AHDC1: variants seen among roughly 807,000 people sequenced by gnomAD.
AHDC1 encodes AT-hook DNA binding motif containing 1.
AHDC1 carries 7 observed loss-of-function variants against 87.9 expected under a neutral mutation model. The ratio of observed to expected loss-of-function variants is 0.08; its 90% confidence interval spans 0.05 to 0.15. The LOEUF is 0.15. AHDC1 is among the 10% of genes least tolerant of loss of function. The probability of loss-of-function intolerance (pLI) is 1.00; values close to 1 mark genes in which losing one functional copy is unlikely to be tolerated. For synonymous variants in AHDC1, 1,051 were observed against 1,006.8 expected, an observed-to-expected ratio of 1.04 and a Z score of -0.83; for missense variants, 1,841 against 2,253.2, an observed-to-expected ratio of 0.82 and a Z score of 3.70.
Position 27,534,780 on chromosome 1 carries a change from G to C in AHDC1, c.*180C>G, listed in dbSNP as rs986617185. 6.6e-6 allele frequency: 1 copy of C among 151,326 alleles called. No homozygotes were observed. Among genetic ancestry groups the C allele is most frequent in the Non-Finnish European group, 1.5e-5 (1 of 67,786 alleles). The allele number at this position is 151,326 out of a possible 1,614,324, so 9.4% of individuals were successfully genotyped here. ...GGCTCACCTTCGGCTTCTGCGTGGAGGAGATGGGTGGGAGGGGGTGGAGGG... is the reference window on the plus strand; with the variant it reads ...GGCTCACCTTCGGCTTCTGCGTGGACGAGATGGGTGGGAGGGGGTGGAGGG... On this transcript the variant is annotated 3_prime_UTR_variant, in exon 9 of 9. Transcript: ENST00000673934.
In AHDC1 at chr1:27,547,120, A is replaced by G; in HGVS notation, c.*43+141T>C. On this transcript the variant is annotated intron_variant, in intron 8 of 8. Coordinates refer to ENST00000673934, the MANE Select transcript of AHDC1 (RefSeq NM_001371928.1). The surrounding 1 kb of genome is among the most constrained non-coding windows in gnomAD (Gnocchi z 4.9). ...CCGCAACAGCGAATCCTGAATCCCT[A>G]CACCCTGCTCTCAGTCCCCAGCCTT... 1.8e-6 allele frequency: 1 copy of G among 559,244 alleles called. No individual in the cohort carries two copies. The highest frequency in any genetic ancestry group is 2.9e-6 in the Non-Finnish European group (1 of 340,232). The allele number at this position is 559,244 out of a possible 1,614,324, so 34.6% of individuals were successfully genotyped here. A position where few individuals can be genotyped will look rare whatever the true frequency, so the allele number is the denominator to read the frequency against.
At position 27,551,345 on chromosome 1, in the gene AHDC1, C is replaced by A. The variant is rs758222840; in HGVS notation, c.771G>T (p.Gln257His). 4 of 1,613,510 alleles carry A rather than the reference C, an allele frequency of 2.5e-6. No individual in the cohort carries two copies. The highest frequency in any genetic ancestry group is 3.4e-6 in the Non-Finnish European group (4 of 1,179,922). ...ELASLTCPEA[Q>H]LLEAQALEPP... ...GCTCGAGGGCCTGGGCCTCTAGCAG[C>A]TGGGCCTCTGGGCAAGTGAGGGAGG... Residue 257 changes from glutamine (Q) to histidine (H), a missense_variant, in exon 8 of 9, where the codon CAG becomes CAT. Physicochemically the swap from Gln to His is conservative, Grantham distance 24. This residue lies in a region of AHDC1 where 370 missense variants were observed against 391.5 expected (regional missense o/e 0.95). Transcript: ENST00000673934.
intron 8 of AHDC1, among the ~76,000 whole-genome samples, chr1:27,540,130 T>C (rs920409280): frequency 3.3e-5 from 5 of 152,174 alleles, no homozygotes; most frequent in African/African-American, 4.8e-5. Context: ...TTCCTGGCTC[T>C]ACCTTCTGTG....
chr1:27,579,514 G>A (rs2088851866), intron 3 of AHDC1, among the ~76,000 whole-genome samples: 1 of 152,224 alleles, frequency 6.6e-6, no homozygotes, highest in South Asian at 2.1e-4. Flanking sequence ...CAGCAAGAGT[G>A]TGACTATAGA....
Position 27,549,282 on chromosome 1 carries a change from G to C in AHDC1, c.2834C>G (p.Pro945Arg). The stretch of plus-strand genomic sequence containing the variant: ...GGCTGAGGGCGGGGGCACCAGCTTG[G>C]GGAAGGTCTCGGCTGCCCGGCAGTC... Reference protein sequence around the residue: ...ASDCRAAETFPKLVPPPSAMA... With the variant: ...ASDCRAAETFRKLVPPPSAMA... Residue 945 changes from proline (P) to arginine (R), a missense_variant, in exon 8 of 9, where the codon CCC (proline) becomes CGC (arginine). Pro to Arg is a moderately radical substitution (Grantham distance 103). This residue lies in a region of AHDC1 where 378 missense variants were observed against 399.0 expected (regional missense o/e 0.95). Transcript: ENST00000673934. 6.2e-7 allele frequency: 1 copy of C among 1,603,162 alleles called. No individual in the cohort carries two copies. Among genetic ancestry groups the C allele is most frequent in the Non-Finnish European group, 8.5e-7 (1 of 1,172,530 alleles).
chr1:27,591,363 T>A, intron 3 of AHDC1, among the ~76,000 whole-genome samples: 1 of 152,320 alleles, frequency 6.6e-6, no homozygotes, highest in Non-Finnish European at 1.5e-5. Flanking sequence ...CACGGGGCCC[T>A]GCAGCTCACA....
chr1:27,550,222 A>G lies in AHDC1; in HGVS notation c.1894T>C (p.Cys632Arg). The change falls in exon 8 of 9, where the codon TGC becomes CGC. Residue 632 changes from cysteine to arginine, a missense_variant. Cys to Arg is a radical substitution (Grantham distance 180). This residue lies in a region of AHDC1 where 84 missense variants were observed against 111.7 expected (regional missense o/e 0.75). Transcript: ENST00000673934. ...GGTGTCCAGCAGCGGGGCGGTGAGC[A>G]CCGTCCAGCGCACTGGCTCTGGCGG... ...LNRQSQCAGR[C>R]SPPRCWTPSE... The G allele has an allele frequency of 6.2e-7, 1 of 1,613,266 alleles. No individual in the cohort carries two copies. The highest frequency in any genetic ancestry group is 8.5e-7 in the Non-Finnish European group (1 of 1,179,796).
At position 27,548,303 on chromosome 1, in the gene AHDC1, C is replaced by T. The variant is rs376593773; in HGVS notation, c.3813G>A (p.Pro1271=). 1.3e-4 allele frequency: 210 copies of T among 1,606,174 alleles called. No individual in the cohort carries two copies. Among genetic ancestry groups the T allele is most frequent in the African/African-American group, 1.7e-4 (13 of 74,954 alleles). ...PSKRSTGPRQ[P]RGGRGGGACS... ...AGGCCCCACCGCCCCGTCCACCTCG[C>T]GGCTGCCGGGGCCCAGTGCTCCGTT... The change falls in exon 8 of 9, where the codon CCG becomes CCA. Residue 1271 remains proline (P), a synonymous_variant. Coordinates refer to ENST00000673934, the MANE Select transcript of AHDC1 (RefSeq NM_001371928.1).
intron 3 of AHDC1, among the ~76,000 whole-genome samples, chr1:27,578,735 C>T (rs1434811472): frequency 2.0e-5 from 3 of 149,716 alleles, no homozygotes; most frequent in South Asian, 2.1e-4. Flanking sequence ...CTTACACTGT[C>T]GCACAGGCTG....
chr1:27,589,832 A>C (rs565234601), intron 3 of AHDC1, among the ~76,000 whole-genome samples: 4 of 152,274 alleles, frequency 2.6e-5, no homozygotes, highest in African/African-American at 9.6e-5. Context: ...GGAGAGAACC[A>C]ACCCTTCACC....
chr1:27,540,786 C>T (rs965804920), intron 8 of AHDC1, among the ~76,000 whole-genome samples: 7 of 151,308 alleles, frequency 4.6e-5, no homozygotes, highest in Non-Finnish European at 1.0e-4. Context: ...AAGATCGGGG[C>T]TGAAAAAAAG....
chr1:27,548,520 G>A lies in AHDC1; in HGVS notation c.3596C>T (p.Ser1199Phe). The A allele has an allele frequency of 1.2e-6, 2 of 1,613,776 alleles. No homozygotes were observed. The highest frequency in any genetic ancestry group is 1.3e-5 in the African/African-American group (1 of 75,070). Residue 1199 changes from serine (S) to phenylalanine (F), a missense_variant, in exon 8 of 9, where the codon TCC (serine) becomes TTC (phenylalanine). Around this residue, in one of 13 missense-constraint regions of AHDC1, gnomAD observed 505 missense variants for 626.2 expected, o/e 0.81. Coordinates refer to ENST00000673934, the MANE Select transcript of AHDC1 (RefSeq NM_001371928.1). ...ASSSEGQSSLSSLEKLMMDWN... is the reference protein window; with the variant it reads ...ASSSEGQSSLFSLEKLMMDWN... ...GTCCATCATCAGTTTCTCCAGGCTGGACAGGCTCGACTGGCCCTCACTACT... is the reference window on the plus strand; with the variant it reads ...GTCCATCATCAGTTTCTCCAGGCTGAACAGGCTCGACTGGCCCTCACTACT...
At position 27,541,878 on chromosome 1, in the gene AHDC1, C is replaced by T. The variant is rs528635377; in HGVS notation, c.*43+5383G>A. Among the ~76,000 whole-genome samples, 11 of 152,342 alleles carry T rather than the reference C, an allele frequency of 7.2e-5. No homozygotes were observed. In the South Asian group the frequency reaches 1.2e-3, roughly 17 times the overall value. The stretch of plus-strand genomic sequence containing the variant: ...CTCCCAACCTCAGGTGATCCTCTTC[C>T]CTCGGCCTCCCAAAGTGCTGGGATT... On this transcript the variant is annotated intron_variant, in intron 8 of 8. Transcript: ENST00000673934.
At position 27,590,685 on chromosome 1, in the gene AHDC1, A is replaced by G. The variant is rs2089198546; in HGVS notation, c.-629+12712T>C. Among the ~76,000 whole-genome samples, 1 of 152,194 alleles carries G rather than the reference A, an allele frequency of 6.6e-6. No homozygotes were observed. The highest frequency in any genetic ancestry group is 2.4e-5 in the African/African-American group (1 of 41,442). ...CTGAGAGGCATCAGGAGAGGATTTA[A>G]GGTCCAAAGTTGGGGAAACTGAGGC... On this transcript the variant is annotated intron_variant, in intron 3 of 8. Transcript: ENST00000673934. The surrounding 1 kb of genome is among the most constrained non-coding windows in gnomAD (Gnocchi z 5.4).
rs769532883 is a variant in AHDC1, at chr1:27,550,412, C to T, written c.1704G>A (p.Ala568=). ...CCGCTGCCACAGTGGCTGCCTCGGC[C>T]GCCACCACAGCTGGCTCCTTGGGCT... ...PGKPKEPAVV[A]AEAATVAAAT... is the part of the protein sequence containing the mutation. The change falls in exon 8 of 9, where the codon GCG becomes GCA. Residue 568 remains alanine, a synonymous_variant. Transcript: ENST00000673934. 33 of 1,611,692 alleles carry T rather than the reference C, an allele frequency of 2.0e-5. No individual in the cohort carries two copies. The highest frequency in any genetic ancestry group is 2.3e-5 in the Non-Finnish European group (27 of 1,178,340).
chr1:27,599,415 G>T (rs913428180), intron 3 of AHDC1, among the ~76,000 whole-genome samples: 7 of 152,048 alleles, frequency 4.6e-5, no homozygotes, highest in Non-Finnish European at 8.8e-5. Flanking sequence ...CCCCTGGGGG[G>T]GCTCTGGCCA....
intron 3 of AHDC1, among the ~76,000 whole-genome samples, chr1:27,602,627 G>A (rs935560676): frequency 7.9e-5 from 12 of 152,312 alleles, no homozygotes; most frequent in African/African-American, 2.2e-4. Context: ...CTAGGGGGCT[G>A]ACAGCTGTCA....
intron 3 of AHDC1, among the ~76,000 whole-genome samples, chr1:27,564,474 A>C (rs2020235304): frequency 6.6e-6 from 1 of 152,214 alleles, no homozygotes; most frequent in Non-Finnish European, 1.5e-5. Flanking sequence ...CTCATGAGAC[A>C]AGGTAGCATA....
At chr1:27,596,152 C>A (rs924128371) in intron 3 of AHDC1, among the ~76,000 whole-genome samples, 1 of 152,164 alleles carries the variant, frequency 6.6e-6, no homozygotes, top group South Asian at 2.1e-4. Context: ...CCCGCTAGAA[C>A]CCCTATGGTA....
Sources: gnomAD v4.1 joint callset for allele counts (sites outside exome capture counted in the v4.1 genomes callset) on GRCh38, gnomAD v4.1.1 for gene constraint, gnomAD v4.1.1 regional missense constraint, Gnocchi (gnomAD v3.1) non-coding constraint, MANE v1.5 for transcripts, NCBI Gene and HGNC (gene_info 2026-07-23, HGNC 2026-07-21) for gene names.